PTPRO: variants seen among roughly 807,000 people sequenced by gnomAD.
PTPRO encodes receptor-type tyrosine-protein phosphatase O.
PTPRO carries 62 observed loss-of-function variants against 145.2 expected under a neutral mutation model. That is an observed-to-expected ratio of 0.43 (90% CI 0.35 to 0.53). The LOEUF is 0.53. PTPRO is among the 20% of genes least tolerant of loss of function. The pLI, the probability that PTPRO is intolerant of heterozygous loss-of-function variation, is 0.01. For synonymous variants in PTPRO, 565 were observed against 514.7 expected, an observed-to-expected ratio of 1.10 and a Z score of -1.32; for missense variants, 1,345 against 1,482.7, an observed-to-expected ratio of 0.91 and a Z score of 1.53.
chr12:15,513,120 GA>G (rs1156425751), intron 7 of PTPRO, among the ~76,000 whole-genome samples: 1 of 18,104 alleles, frequency 5.5e-5, no homozygotes, highest in East Asian at 3.7e-4. Context: ...AGGAAGGAAG[GA>G]AGGAAGGAAG....
chr12:15,558,230 A>G (rs1336765629), intron 16 of PTPRO, among the ~76,000 whole-genome samples: 18 of 152,108 alleles, frequency 1.2e-4, no homozygotes, highest in Admixed American at 1.2e-3. Context: ...CCCCATGCCA[A>G]CCCAGCATCT....
At chr12:15,367,934 C>T (rs1225290557) in intron 1 of PTPRO, among the ~76,000 whole-genome samples, 1 of 152,164 alleles carries the variant, frequency 6.6e-6, no homozygotes, top group East Asian at 1.9e-4. Flanking sequence ...GGCAATAGTG[C>T]CTTCTCTTCA....
intron 12 of PTPRO, among the ~76,000 whole-genome samples, chr12:15,534,794 C>T (rs1324149504): frequency 1.3e-5 from 2 of 152,152 alleles, no homozygotes; most frequent in African/African-American, 4.8e-5. Context: ...TTAAAACAAT[C>T]CCTCTGGTTG....
chr12:15,588,872 C>T (rs545038982), intron 24 of PTPRO, among the ~76,000 whole-genome samples: 3 of 152,170 alleles, frequency 2.0e-5, no homozygotes, highest in South Asian at 2.1e-4. Context: ...GCAGAGACCC[C>T]GATAAAGGGT....
chr12:15,384,356 T>G (rs1213060774), intron 1 of PTPRO, among the ~76,000 whole-genome samples: 1 of 152,162 alleles, frequency 6.6e-6, no homozygotes, highest in Non-Finnish European at 1.5e-5. Flanking sequence ...TAGTTTGAAC[T>G]GCCATAACAA....
chr12:15,515,023 C>T (rs191194829), intron 7 of PTPRO, among the ~76,000 whole-genome samples: 2 of 151,898 alleles, frequency 1.3e-5, no homozygotes, highest in Admixed American at 6.6e-5. Flanking sequence ...CCTTGGCCTC[C>T]CAAAGTGCTG....
chr12:15,370,549 A>G (rs1430503923), intron 1 of PTPRO, among the ~76,000 whole-genome samples: 3 of 152,214 alleles, frequency 2.0e-5, no homozygotes, highest in Non-Finnish European at 4.4e-5. Flanking sequence ...AAATTTCATT[A>G]TAAATATCTA....
chr12:15,584,877 G>A (rs563554218), intron 23 of PTPRO, among the ~76,000 whole-genome samples: 1 of 152,110 alleles, frequency 6.6e-6, no homozygotes, highest in Non-Finnish European at 1.5e-5. Flanking sequence ...GATAAAACCA[G>A]AAGAGTTTTC....
chr12:15,505,638 A>T (rs149830565), intron 6 of PTPRO, among the ~76,000 whole-genome samples: 1 of 152,280 alleles, frequency 6.6e-6, no homozygotes, highest in African/African-American at 2.4e-5. Context: ...TGTACCATGT[A>T]TACTTCTTTG....
chr12:15,522,231 G>GT (rs1325138351), intron 10 of PTPRO, among the ~76,000 whole-genome samples: 1 of 147,178 alleles, frequency 6.8e-6, no homozygotes, highest in Non-Finnish European at 1.5e-5. Flanking sequence ...ATTCTAGTAG[G>GT]TTTTATTTTA....
intron 1 of PTPRO, among the ~76,000 whole-genome samples, chr12:15,358,740 ACCT>A (rs943188797): frequency 7.0e-4 from 106 of 152,276 alleles, no homozygotes; most frequent in African/African-American, 2.5e-3. Flanking sequence ...TGTATGTTTT[ACCT>A]GTTATTTAAT....
chr12:15,382,844 A>T (rs1938905118), intron 1 of PTPRO, among the ~76,000 whole-genome samples: 1 of 152,226 alleles, frequency 6.6e-6, no homozygotes, highest in South Asian at 2.1e-4. Context: ...TTTAATTGAC[A>T]AATAATTGTA....
In PTPRO at chr12:15,589,371, A is replaced by C; in HGVS notation, c.3411-84A>C. ...AGCCTGGGCAACAGAGCAAGACTCCATCTCAAAGAAAAAAAAAAAAAGAGG... is the reference window on the plus strand; with the variant it reads ...AGCCTGGGCAACAGAGCAAGACTCCCTCTCAAAGAAAAAAAAAAAAAGAGG... On this transcript the variant is annotated intron_variant, in intron 24 of 26. Coordinates refer to ENST00000281171, the MANE Select transcript of PTPRO (RefSeq NM_030667.3). The C allele has an allele frequency of 3.3e-6, 5 of 1,536,138 alleles. No individual in the cohort carries two copies. In the African/African-American group the frequency reaches 8.0e-5, roughly 25 times the overall value.
chr12:15,361,438 CAA>C (rs71042244), intron 1 of PTPRO, among the ~76,000 whole-genome samples: 21,435 of 70,004 alleles, frequency 0.31, 1,000 homozygotes, highest in Middle Eastern at 0.41. Flanking sequence ...GACTCAGTCT[CAA>C]AAAAAAAAAA....
chr12:15,522,545 T>G (rs1285432843), intron 10 of PTPRO, among the ~76,000 whole-genome samples: 1 of 152,182 alleles, frequency 6.6e-6, no homozygotes, highest in Non-Finnish European at 1.5e-5. Context: ...CGTGTGTGTG[T>G]GATTTTTTTT....
intron 1 of PTPRO, among the ~76,000 whole-genome samples, chr12:15,451,696 T>G (rs1941050135): frequency 6.6e-6 from 1 of 152,192 alleles, no homozygotes; most frequent in Non-Finnish European, 1.5e-5. Context: ...AAAGGAACTT[T>G]CAAAACCATG....
At chr12:15,539,722 G>A (rs113371623) in intron 12 of PTPRO, among the ~76,000 whole-genome samples, 4,372 of 128,506 alleles carry the variant, frequency 0.034, 223 homozygotes, top group African/African-American at 0.12. Context: ...AGATTGCGCC[G>A]CTGCACTCCA....
rs1244232116 is a variant in PTPRO, at chr12:15,513,176, A to T, written c.1465-2322A>T. 1.3e-3 allele frequency among the ~76,000 whole-genome samples: 122 copies of T among 94,288 alleles called. 4 individuals carry two copies. Among genetic ancestry groups the T allele is most frequent in the African/African-American group, 3.9e-3 (86 of 22,210 alleles). The allele number at this position is 94,288 out of a possible 152,430, so 61.9% of individuals were successfully genotyped here. ...GAAAGAAAAAGAAAGAAAGAAAGAA[A>T]GAAAGAAAGAAAGAAAGAAAGAAAG... On this transcript the variant is annotated intron_variant, in intron 7 of 26. Transcript: ENST00000281171.
chr12:15,480,721 AGAT>A (rs1431842938), intron 1 of PTPRO, among the ~76,000 whole-genome samples: 1 of 150,858 alleles, frequency 6.6e-6, no homozygotes, highest in African/African-American at 2.4e-5. Flanking sequence ...CTGATGTAGA[AGAT>A]GGATGGATGG....
Sources: allele counts gnomAD v4.1 joint callset (sites outside exome capture counted in the v4.1 genomes callset), GRCh38; gene constraint gnomAD v4.1.1; transcripts MANE v1.5; gene names NCBI Gene and HGNC (gene_info 2026-07-23, HGNC 2026-07-21).